Variants in FSIP2 observed in about 807,000 individuals in gnomAD.
FSIP2 encodes fibrous sheath interacting protein 2.
In FSIP2, 367 loss-of-function variants were observed where a neutral mutation model predicts 510.5. The ratio of observed to expected loss-of-function variants is 0.72; its 90% CI spans 0.66 to 0.78. The LOEUF is 0.78. Ranked by LOEUF, FSIP2 falls within the 30% of genes least tolerant of loss-of-function variation. FSIP2 has a pLI of 0.00. For missense variants in FSIP2, 7,594 were observed against 7,901.7 expected (o/e 0.96, Z 1.48); for synonymous variants, 2,601 against 2,732.2 (o/e 0.95, Z 1.50).
rs148220213 is a variant in FSIP2, at chr2:185,800,371, A to G, written c.11065A>G (p.Thr3689Ala). 1,683 of 1,527,204 alleles carry G rather than the reference A, an allele frequency of 1.1e-3. 17 individuals are homozygous for G. The African/African-American group carries it at 0.019, about 18-fold the overall frequency. The allele number at this position is 1,527,204 out of a possible 1,614,324, so 94.6% of individuals were successfully genotyped here. A position where few individuals can be genotyped will look rare whatever the true frequency, so the allele number is the denominator to read the frequency against. The change falls in exon 17 of 23, where the codon ACA becomes GCA. Residue 3689 changes from threonine to alanine, a missense_variant. Thr to Ala is a moderately conservative substitution (Grantham distance 58). Coordinates refer to ENST00000424728, the MANE Select transcript of FSIP2 (RefSeq NM_173651.4). ...KLNSLVGNLK[T>A]SESKEVVNKV... ...AAACAGCCTGGTTGGTAACCTAAAA[A>G]CAAGTGAATCCAAAGAAGTAGTCAA... is the stretch of plus-strand genomic sequence containing the variant.
intron 13 of FSIP2, chr2:185,766,511 A>C (rs1413454356): frequency 6.8e-6 from 1 of 148,006 alleles, no homozygotes; most frequent in Non-Finnish European, 1.5e-5. Flanking sequence ...GGTGAAGGAC[A>C]TGAACAGACA....
chr2:185,753,521 A>T (rs1338884080), intron 7 of FSIP2, among the ~76,000 whole-genome samples: 2 of 151,402 alleles, frequency 1.3e-5, no homozygotes, highest in East Asian at 3.9e-4. Flanking sequence ...AGAGAGGTAA[A>T]TTGCATACAT....
In FSIP2 at chr2:185,799,747, G is replaced by C. The variant is rs958959777; in HGVS notation, c.10441G>C (p.Glu3481Gln). ...TTCTACATGGTCAAGGAAAAAATATGAATCAAAACAGTTCCTAAGAAACAT... is the reference window on the plus strand; with the variant it reads ...TTCTACATGGTCAAGGAAAAAATATCAATCAAAACAGTTCCTAAGAAACAT... ...SVSTWSRKKY[E>Q]SKQFLRNIYD... Residue 3481 changes from glutamate (E) to glutamine (Q), a missense_variant, in exon 17 of 23, where the codon GAA becomes CAA. Coordinates refer to ENST00000424728, the MANE Select transcript of FSIP2 (RefSeq NM_173651.4). 18 of 1,477,064 alleles carry C rather than the reference G, an allele frequency of 1.2e-5. No individual in the cohort carries two copies. Among genetic ancestry groups the C allele is most frequent in the Non-Finnish European group, 1.6e-5 (18 of 1,116,538 alleles). The allele number at this position is 1,477,064 out of a possible 1,614,324, so 91.5% of individuals were successfully genotyped here. A position where few individuals can be genotyped will look rare whatever the true frequency, so the allele number is the denominator to read the frequency against.
chr2:185,805,394 G>T lies in FSIP2; in HGVS notation c.16088G>T (p.Cys5363Phe). The change falls in exon 17 of 23, where the codon TGC (cysteine) becomes TTC (phenylalanine). Residue 5363 changes from cysteine (C) to phenylalanine (F), a missense_variant. Physicochemically the swap from Cys to Phe is radical, Grantham distance 205. Coordinates refer to ENST00000424728, the MANE Select transcript of FSIP2 (RefSeq NM_173651.4). ...GTATATGAACAGTTCATAGAAAAAT[G>T]CACATCTCATGATATTCAAAAAGGT... Reference protein sequence around the residue: ...NFVYEQFIEKCTSHDIQKGDE... With the variant: ...NFVYEQFIEKFTSHDIQKGDE... The T allele has an allele frequency of 1.3e-6, 2 of 1,599,770 alleles. No individual in the cohort carries two copies. The highest frequency in any genetic ancestry group is 2.3e-5 in the South Asian group (2 of 88,384).
rs1184353368 is a variant in FSIP2 at position 185,738,913 on chromosome 2, G to T, written c.19G>T (p.Ala7Ser). The change falls in exon 1 of 23, where the codon GCC (alanine) becomes TCC (serine). Residue 7 changes from alanine (A) to serine (S), a missense_variant. By Grantham distance (99) the Ala-to-Ser change is moderately conservative. Coordinates refer to ENST00000424728, the MANE Select transcript of FSIP2 (RefSeq NM_173651.4). Reference sequence around the variant, plus strand: ...GCCGGCCATGGAGCTGTACCTCGGCGCCTGCTCCAAGCCTGCCAAAGTCGC... The same window carrying T: ...GCCGGCCATGGAGCTGTACCTCGGCTCCTGCTCCAAGCCTGCCAAAGTCGC... Reference protein sequence around the residue: MELYLGACSKPAKVAVT... With the variant: MELYLGSCSKPAKVAVT... 6.5e-7 allele frequency: 1 copy of T among 1,534,996 alleles called. No homozygotes were observed. The highest frequency in any genetic ancestry group is 1.2e-5 in the South Asian group (1 of 84,008).
intron 21 of FSIP2, among the ~76,000 whole-genome samples, chr2:185,830,546 T>C (rs1694089598): frequency 6.6e-6 from 1 of 151,854 alleles, no homozygotes; most frequent in Admixed American, 6.6e-5. Context: ...CCTACACACA[T>C]CCTCCCATAT....
Position 185,804,548 on chromosome 2 carries a change from C to A in FSIP2, c.15242C>A (p.Ser5081Tyr), listed in dbSNP as rs918171690. Residue 5081 changes from serine (S) to tyrosine (Y), a missense_variant, in exon 17 of 23, where the codon TCT becomes TAT. By Grantham distance (144) the Ser-to-Tyr change is moderately radical. Transcript: ENST00000424728. ...TTAGTTTCAGGAGAATTAGAGTCTT[C>A]TTCTTATTCGTATCCCCAAGCTGAT... ...QSLVSGELES[S>Y]SYSYPQADNI... 2 of 1,525,402 alleles carry A rather than the reference C, an allele frequency of 1.3e-6. No individual in the cohort carries two copies. Among genetic ancestry groups the A allele is most frequent in the South Asian group, 1.2e-5 (1 of 82,086 alleles). The allele number at this position is 1,525,402 out of a possible 1,614,324, so 94.5% of individuals were successfully genotyped here. A position where few individuals can be genotyped will look rare whatever the true frequency, so the allele number is the denominator to read the frequency against.
At chr2:185,824,609 C>A (rs1378629356) in intron 20 of FSIP2, 129 bp downstream of exon 20, 2 of 620,684 alleles carry the variant, frequency 3.2e-6, no homozygotes, top group South Asian at 2.1e-5. Flanking sequence ...TGAAAATGAT[C>A]CAGTATTACC....
chr2:185,789,567 C>T lies in FSIP2; in HGVS notation c.2431C>T (p.His811Tyr), dbSNP rs989660406. 2 of 1,534,840 alleles carry T rather than the reference C, an allele frequency of 1.3e-6. No homozygotes were observed. Among genetic ancestry groups the T allele is most frequent in the African/African-American group, 1.4e-5 (1 of 73,046 alleles). ...AAAACCTTTGAAAAATTCAATGCCT[C>T]ATACTTTGGACCCAATGTGTGATAT... ...NGKPLKNSMP[H>Y]TLDPMCDIAE... The change falls in exon 16 of 23, where the codon CAT becomes TAT. Residue 811 changes from histidine (H) to tyrosine (Y), a missense_variant. Physicochemically the swap from His to Tyr is moderately conservative, Grantham distance 83. Coordinates refer to ENST00000424728, the MANE Select transcript of FSIP2 (RefSeq NM_173651.4).
At chr2:185,814,638 T>C (rs1693798034) in intron 18 of FSIP2, among the ~76,000 whole-genome samples, 1 of 152,066 alleles carries the variant, frequency 6.6e-6, no homozygotes, top group Non-Finnish European at 1.5e-5. Context: ...TCTCAAATGA[T>C]GGTCTGGGTC....
Position 185,791,289 on chromosome 2 carries a change from T to C in FSIP2, c.4153T>C (p.Ser1385Pro). 6.5e-7 allele frequency: 1 copy of C among 1,534,136 alleles called. No individual in the cohort carries two copies. Among genetic ancestry groups the C allele is most frequent in the Non-Finnish European group, 8.7e-7 (1 of 1,145,566 alleles). ...SISLSSRKPK[S>P]ATDSVDVQSI... Reference sequence around the variant, plus strand: ...TTCACTCTCTTCTCGTAAGCCAAAGTCTGCAACTGACAGTGTTGATGTACA... The same window carrying C: ...TTCACTCTCTTCTCGTAAGCCAAAGCCTGCAACTGACAGTGTTGATGTACA... The change falls in exon 16 of 23, where the codon TCT becomes CCT. Residue 1385 changes from serine (S) to proline (P), a missense_variant. Coordinates refer to ENST00000424728, the MANE Select transcript of FSIP2 (RefSeq NM_173651.4).
In FSIP2 at chr2:185,806,997, G is replaced by A. The variant is rs1308587194; in HGVS notation, c.17691G>A (p.Met5897Ile). 5.6e-6 allele frequency: 9 copies of A among 1,605,364 alleles called. No individual in the cohort carries two copies. The highest frequency in any genetic ancestry group is 1.7e-5 in the Admixed American group (1 of 58,110). Residue 5897 changes from methionine to isoleucine, a missense_variant, in exon 17 of 23, where the codon ATG becomes ATA. Transcript: ENST00000424728. ...AAATGCCACCTATGCATAAAATGAT[G>A]AGAAAACCTTCTTCAGATAAGATAC... ...ADKMPPMHKM[M>I]RKPSSDKIPS...
rs1693119493 is a variant in FSIP2, at chr2:185,791,358, T to C, written c.4222T>C (p.Tyr1408His). The change falls in exon 16 of 23, where the codon TAT (tyrosine) becomes CAT (histidine). Residue 1408 changes from tyrosine (Y) to histidine (H), a missense_variant. Coordinates refer to ENST00000424728, the MANE Select transcript of FSIP2 (RefSeq NM_173651.4). ...GCAAGATAAAAAATCTTTTCACAAA[T>C]ATTTGGCTACTCCTTGTACTCACCA... ...NRQDKKSFHK[Y>H]LATPCTHHSV... The C allele has an allele frequency of 3.3e-6, 5 of 1,534,018 alleles. No homozygotes were observed. In the African/African-American group the frequency reaches 6.9e-5, roughly 21 times the overall value.
chr2:185,769,280 C>A (rs1375804255), intron 13 of FSIP2, among the ~76,000 whole-genome samples: 1 of 152,176 alleles, frequency 6.6e-6, no homozygotes, highest in Non-Finnish European at 1.5e-5. Flanking sequence ...CTTTTCTCTG[C>A]AACCTTGCCA....
In FSIP2 at chr2:185,794,050, T is replaced by C; in HGVS notation, c.6914T>C (p.Val2305Ala). The C allele has an allele frequency of 6.5e-7, 1 of 1,533,420 alleles. No homozygotes were observed. The allele number at this position is 1,533,420 out of a possible 1,614,324, so 95.0% of individuals were successfully genotyped here. A position where few individuals can be genotyped will look rare whatever the true frequency, so the allele number is the denominator to read the frequency against. ...AGCATCTTTTATGATTCAAGCCAAG[T>C]GGAATCAGATGTAAATGTCCTGAAA... ...NDSIFYDSSQ[V>A]ESDVNVLKIS... The change falls in exon 16 of 23, where the codon GTG (valine) becomes GCG (alanine). Residue 2305 changes from valine to alanine, a missense_variant. Val to Ala is a moderately conservative substitution (Grantham distance 64, BLOSUM62 0). Coordinates refer to ENST00000424728, the MANE Select transcript of FSIP2 (RefSeq NM_173651.4).
rs114976534 is a variant in FSIP2 at position 185,829,480 on chromosome 2, T to C, written c.20517+1281T>C. ...GGAAAACTCAAATCCTGGCATTACATAGATCAACTGGATAGAACATAGCTC... is the reference window on the plus strand; with the variant it reads ...GGAAAACTCAAATCCTGGCATTACACAGATCAACTGGATAGAACATAGCTC... On this transcript the variant is annotated intron_variant, in intron 21 of 22. Transcript: ENST00000424728. Among the ~76,000 whole-genome samples the C allele has an allele frequency of 1.5e-3, 221 of 152,090 alleles. 2 individuals carry two copies. Among genetic ancestry groups the C allele is most frequent in the South Asian group, 0.011 (51 of 4,826 alleles).
rs1389546488 is a variant in FSIP2 at position 185,806,034 on chromosome 2, A to G, written c.16728A>G (p.Lys5576=). ...GAAATTTAATTCCAACAGATAAAAA[A>G]GGGAAAGATGATGAGATATACACAC... is the stretch of plus-strand genomic sequence containing the variant. The part of the protein sequence containing the change: ...KKRNLIPTDK[K]GKDDEIYTHF... The change falls in exon 17 of 23, where the codon AAA becomes AAG. Residue 5576 remains lysine, a synonymous_variant. Coordinates refer to ENST00000424728, the MANE Select transcript of FSIP2 (RefSeq NM_173651.4). 3.2e-6 allele frequency: 5 copies of G among 1,552,942 alleles called. No homozygotes were observed. The highest frequency in any genetic ancestry group is 1.7e-4 in the Middle Eastern group (1 of 5,844).
chr2:185,748,560 A>G (rs1429942015), intron 7 of FSIP2, among the ~76,000 whole-genome samples: 1 of 151,862 alleles, frequency 6.6e-6, no homozygotes, highest in African/African-American at 2.4e-5. Flanking sequence ...GCAGAGCAAG[A>G]CTCCATCTCA....
intron 13 of FSIP2, among the ~76,000 whole-genome samples, chr2:185,769,048 T>C (rs1014965021): frequency 6.6e-6 from 1 of 152,222 alleles, no homozygotes; most frequent in Non-Finnish European, 1.5e-5. Flanking sequence ...AACATTTAGG[T>C]TGATTCCATG....
Sources: gnomAD v4.1 joint callset for allele counts (sites outside exome capture counted in the v4.1 genomes callset) on GRCh38, gnomAD v4.1.1 for gene constraint, MANE v1.5 for transcripts, NCBI Gene and HGNC (gene_info 2026-07-23, HGNC 2026-07-21) for gene names.